Variants in IL17REL observed in about 807,000 individuals in gnomAD.
IL17REL encodes interleukin-17 receptor E-like protein.
In IL17REL, 36 loss-of-function variants were observed where a neutral mutation model predicts 49.0. The ratio of observed to expected loss-of-function variants is 0.73; its 90% CI spans 0.56 to 0.97. The LOEUF (loss-of-function observed/expected upper bound fraction) is 0.97, where lower values mean the gene tolerates loss of function less well. Among genes scored for constraint, IL17REL ranks in the 50% least tolerant of loss-of-function variants. The pLI, the probability that IL17REL is intolerant of heterozygous loss-of-function variation, is 0.00. For missense variants in IL17REL, 470 were observed against 453.9 expected, an observed-to-expected ratio of 1.04 and a Z score of -0.32; for synonymous variants, 206 against 192.4, an observed-to-expected ratio of 1.07 and a Z score of -0.58.
upstream of IL17REL, among the ~76,000 whole-genome samples, chr22:50,009,933 C>T (rs1300589766): frequency 5.3e-5 from 8 of 152,316 alleles, no homozygotes; most frequent in African/African-American, 1.7e-4. Flanking sequence ...GTGGAATCGG[C>T]GGCAGTCAGT....
downstream of IL17REL, among the ~76,000 whole-genome samples, chr22:49,992,608 T>C (rs539468996): frequency 3.3e-5 from 5 of 152,130 alleles, no homozygotes; most frequent in Non-Finnish European, 7.4e-5. Flanking sequence ...CTATTTTATT[T>C]CATTTTAATT....
At chr22:50,008,121 C>A (rs137862) in intron 1 of IL17REL, among the ~76,000 whole-genome samples, 82,115 of 151,358 alleles carry the variant, frequency 0.54, 22,665 homozygotes, top group South Asian at 0.76. Context: ...AGAAAAAAAA[C>A]CCCAAAATGC....
intron 1 of IL17REL, among the ~76,000 whole-genome samples, chr22:50,004,970 T>TAAAAAAAAAAAAAAA (rs11455056): frequency 1.9e-5 from 1 of 51,970 alleles, no homozygotes; most frequent in African/African-American, 6.1e-5. Flanking sequence ...AACCAGAAAG[T>TAAAAAAAAAAAAAAA]AAAAAAAAAA....
upstream of IL17REL, among the ~76,000 whole-genome samples, chr22:50,010,791 G>T (rs1260271335): frequency 8.1e-6 from 1 of 123,250 alleles, no homozygotes; most frequent in African/African-American, 3.6e-5. Flanking sequence ...ACCCGGGCGC[G>T]CTGGGGGGAA....
rs1217124955 is a variant in IL17REL, at chr22:49,998,129, GCACT to G, written c.774+4_774+7del. On this transcript the variant is annotated splice_donor_5th_base_variant and intron_variant, in intron 8 of 12. Transcript: ENST00000341280. ...GCCCACCCCCATCCCTGCTGAGCAGGCACTCACTCTGCGATGCACCAGCTGGCTG... is the reference window on the plus strand; with the variant it reads ...GCCCACCCCCATCCCTGCTGAGCAGGCACTCTGCGATGCACCAGCTGGCTG... 7.5e-6 allele frequency: 12 copies of G among 1,601,490 alleles called. No homozygotes were observed. The highest frequency in any genetic ancestry group is 1.3e-5 in the African/African-American group (1 of 74,566).
downstream of IL17REL, among the ~76,000 whole-genome samples, chr22:49,993,831 T>C (rs2061018062): frequency 6.6e-6 from 1 of 152,108 alleles, no homozygotes; most frequent in Non-Finnish European, 1.5e-5. The surrounding 1 kb of genome is among the most constrained non-coding windows in gnomAD (Gnocchi z 6.0). Flanking sequence ...AGCAGGGGTC[T>C]TTGTGCACCA....
rs1455021854 is a variant in IL17REL at position 49,997,526 on chromosome 22, C to G, written c.878-110G>C. The G allele has an allele frequency of 1.6e-5, 21 of 1,340,116 alleles. No homozygotes were observed. The South Asian group carries it at 2.5e-4, about 16-fold the overall frequency. 83.0% of individuals were successfully genotyped at this position (1,340,116 alleles called of 1,614,324 possible). Reference sequence around the variant, plus strand: ...TGAGACCCCCATCCGGCCCAGCACCCCACCGCCTCCCTTCCTTCCCCAGTG... The same window carrying G: ...TGAGACCCCCATCCGGCCCAGCACCGCACCGCCTCCCTTCCTTCCCCAGTG... On this transcript the variant is annotated intron_variant, in intron 10 of 12. Transcript: ENST00000341280.
chr22:49,998,047 G>T (rs769555467), exon 9 of IL17REL: 2 of 1,594,446 alleles, frequency 1.3e-6, no homozygotes, highest in African/African-American at 2.7e-5. Context: ...CTGGGGCTGG[G>T]TGTCCACCAG....
chr22:49,994,085 G>T (rs546742616), downstream of IL17REL, among the ~76,000 whole-genome samples: 105 of 149,740 alleles, frequency 7.0e-4, no homozygotes, highest in Non-Finnish European at 1.2e-3. Context: ...CTGATCTCCA[G>T]GTTAGGGAAG....
intron 7 of IL17REL, among the ~76,000 whole-genome samples, chr22:49,998,986 G>A (rs1478959778): frequency 3.9e-5 from 6 of 152,076 alleles, no homozygotes; most frequent in Non-Finnish European, 7.4e-5. Flanking sequence ...TGTGTGCAGC[G>A]TCGCTGAGCA....
At chr22:50,006,277 C>T (rs182786111) in intron 1 of IL17REL, among the ~76,000 whole-genome samples, 3 of 152,262 alleles carry the variant, frequency 2.0e-5, no homozygotes, top group Middle Eastern at 3.4e-3. Flanking sequence ...TACAGATTCA[C>T]AGCCCAGGTT....
downstream of IL17REL, chr22:49,994,433 C>T (rs1464454673): frequency 6.6e-6 from 1 of 152,364 alleles, no homozygotes; most frequent in Non-Finnish European, 1.5e-5. Flanking sequence ...CTCTTGGGTC[C>T]AGCCTGGTGG....
Position 49,997,308 on chromosome 22 carries a change from C to A in IL17REL, c.974+12G>T. 1 of 1,611,476 alleles carries A rather than the reference C, an allele frequency of 6.2e-7. No homozygotes were observed. The highest frequency in any genetic ancestry group is 8.5e-7 in the Non-Finnish European group (1 of 1,178,474). On this transcript the variant is annotated intron_variant, in intron 11 of 12. Coordinates refer to ENST00000341280, the Ensembl canonical transcript of IL17REL. Reference sequence around the variant, plus strand: ...CACCTCCCCAGGATGGAGCCCCACTCTCTCGGCTCACTGAGGCTGAAGGGA... The same window carrying A: ...CACCTCCCCAGGATGGAGCCCCACTATCTCGGCTCACTGAGGCTGAAGGGA...
chr22:49,997,271 C>A, intron 11 of IL17REL, 49 bp downstream of exon 13: 1 of 1,569,242 alleles, frequency 6.4e-7, no homozygotes, highest in Non-Finnish European at 8.7e-7. Context: ...GGGGTCCTGC[C>A]GCCACCACCC....
downstream of IL17REL, among the ~76,000 whole-genome samples, chr22:49,993,031 G>A (rs1327567219): frequency 6.6e-6 from 1 of 152,194 alleles, no homozygotes; most frequent in East Asian, 1.9e-4. This position sits in a 1 kb window ranked among gnomAD's most constrained non-coding sequence, Gnocchi z 6.0. Context: ...CTTGGCTCTG[G>A]TTGTCTCTCT....
In IL17REL at chr22:49,997,755, G is replaced by A. The variant is rs760420800; in HGVS notation, c.820-13C>T. ...AACTGGTAGAGAACTGCAAAGTGGG[G>A]TGAGGGGTGCAGGAGGGTGGAGTGT... On this transcript the variant is annotated splice_polypyrimidine_tract_variant and intron_variant, in intron 9 of 12. Transcript: ENST00000341280. The A allele has an allele frequency of 1.2e-6, 2 of 1,613,764 alleles. No individual in the cohort carries two copies. The highest frequency in any genetic ancestry group is 1.1e-5 in the South Asian group (1 of 91,082).
intron 6 of IL17REL, 41 bp downstream of exon 8, chr22:49,999,390 T>C: frequency 6.2e-7 from 1 of 1,612,444 alleles, no homozygotes. Flanking sequence ...ATCCCTGTGC[T>C]CCCCTCACCC....
exon 13 of IL17REL, chr22:49,995,679 C>T: frequency 6.6e-6 from 1 of 152,444 alleles, no homozygotes; most frequent in Non-Finnish European, 1.5e-5. Context: ...CTGTGCGAGG[C>T]TGAGACATGT....
chr22:50,001,051 G>A, intron 2 of IL17REL, 31 bp downstream of exon 3: 1 of 1,509,498 alleles, frequency 6.6e-7, no homozygotes, highest in African/African-American at 1.4e-5. Context: ...ACCTGCGGGT[G>A]TTAACTCCCA....
Sources: allele counts gnomAD v4.1 joint callset (sites outside exome capture counted in the v4.1 genomes callset), GRCh38; gene constraint gnomAD v4.1.1; non-coding constraint Gnocchi (gnomAD v3.1); transcripts MANE v1.5; gene names NCBI Gene and HGNC (gene_info 2026-07-23, HGNC 2026-07-21).